Variants in ATP2C2 observed in about 807,000 individuals in gnomAD.
ATP2C2 encodes the protein calcium-transporting ATPase type 2C member 2.
In ATP2C2, 171 loss-of-function variants were observed where a neutral mutation model predicts 110.8. The ratio of observed to expected loss-of-function variants is 1.54; its 90% CI spans 1.36 to 1.75. The LOEUF (loss-of-function observed/expected upper bound fraction) is 1.75. Ranked by LOEUF, ATP2C2 falls within the 40% of genes most tolerant of loss-of-function variation. ATP2C2 has a pLI of 0.00. For synonymous variants in ATP2C2, 804 were observed against 508.4 expected (o/e 1.58, Z -7.82); for missense variants, 1,963 against 1,235.0 (o/e 1.59, Z -8.84).
intron 15 of ATP2C2, among the ~76,000 whole-genome samples, chr16:84,445,814 CCT>C (rs1909694330): frequency 6.6e-6 from 1 of 152,222 alleles, no homozygotes; most frequent in African/African-American, 2.4e-5. Flanking sequence ...ATTTTCACCC[CCT>C]GTGGGACAGT....
At position 84,439,523 on chromosome 16, in the gene ATP2C2, A is replaced by C; in HGVS notation, c.1208A>C (p.Glu403Ala). 1 of 1,614,088 alleles carries C rather than the reference A, an allele frequency of 6.2e-7. No individual in the cohort carries two copies. The highest frequency in any genetic ancestry group is 8.5e-7 in the Non-Finnish European group (1 of 1,179,952). The change falls in exon 13 of 27, where the codon GAG (glutamate) becomes GCG (alanine). Residue 403 changes from glutamate to alanine, a missense_variant and splice_region_variant. By Grantham distance (107) the Glu-to-Ala change is moderately radical. Transcript: ENST00000262429. The part of the protein sequence containing the change: ...QLVTSDGLRA[E>A]VSGVGYDGQG... ...GTAACGTCAGATGGGCTTCGTGCCG[A>C]GGTGAGTGCCAAAGGAATTTACAAG...
At chr16:84,459,450 C>T (rs1333561496) in intron 23 of ATP2C2, 64 bp downstream of exon 23, 3 of 1,603,372 alleles carry the variant, frequency 1.9e-6, no homozygotes, top group East Asian at 2.2e-5. Flanking sequence ...CCTCCAGGGG[C>T]TGCTGGCTGT....
chr16:84,429,336 A>G (rs899304673), intron 11 of ATP2C2, among the ~76,000 whole-genome samples: 3 of 151,992 alleles, frequency 2.0e-5, no homozygotes, highest in Non-Finnish European at 4.4e-5. Context: ...AATTTTAAGT[A>G]GAGATGGGAT....
At chr16:84,447,429 C>G (rs1909851599) in intron 16 of ATP2C2, among the ~76,000 whole-genome samples, 1 of 152,022 alleles carries the variant, frequency 6.6e-6, no homozygotes, top group African/African-American at 2.4e-5. Flanking sequence ...TCTTCCCTCC[C>G]TCCCCACCAC....
At position 84,371,380 on chromosome 16, in the gene ATP2C2, C is replaced by T. The variant is rs1045922965; in HGVS notation, c.99+2666C>T. ...AAAAATTAGGCGTGGTGGTGTGCACCTGTGGTCCTAGCTACTCACCAAGCT... is the reference window on the plus strand; with the variant it reads ...AAAAATTAGGCGTGGTGGTGTGCACTTGTGGTCCTAGCTACTCACCAAGCT... On this transcript the variant is annotated intron_variant, in intron 1 of 26. Coordinates refer to ENST00000262429, the MANE Select transcript of ATP2C2 (RefSeq NM_014861.4). 5.3e-5 allele frequency among the ~76,000 whole-genome samples: 8 copies of T among 152,186 alleles called. 1 individual carries two copies. Among genetic ancestry groups the T allele is most frequent in the Middle Eastern group, 6.8e-3 (2 of 294 alleles).
At chr16:84,445,681 CA>C (rs2150574338) in intron 15 of ATP2C2, among the ~76,000 whole-genome samples, 1 of 152,318 alleles carries the variant, frequency 6.6e-6, no homozygotes, top group East Asian at 1.9e-4. Flanking sequence ...ATGGTTTAGG[CA>C]TTTCTTCCCT....
chr16:84,445,977 C>G (rs182831017), intron 15 of ATP2C2, among the ~76,000 whole-genome samples: 9 of 152,318 alleles, frequency 5.9e-5, no homozygotes, highest in African/African-American at 2.2e-4. Flanking sequence ...ACCCCATGTT[C>G]TGGACGCAGG....
At chr16:84,423,149 G>C (rs752047785) in intron 9 of ATP2C2, 39 bp from the exon 10 acceptor site, 2 of 1,567,106 alleles carry the variant, frequency 1.3e-6, no homozygotes, top group African/African-American at 1.4e-5. Context: ...GCAGAAGCTA[G>C]GATCTTGTCC....
chr16:84,446,427 T>C lies in ATP2C2; in HGVS notation c.1500T>C (p.Thr500=), dbSNP rs769124124. Reference sequence around the variant, plus strand: ...TGGCGGTGAAATGCAGTCTGAAGACTGAGGTGAGACCTTTCAATCTTCAAC... The same window carrying C: ...TGGCGGTGAAATGCAGTCTGAAGACCGAGGTGAGACCTTTCAATCTTCAAC... ...KWMAVKCSLK[T]EDQEDIYFMK... The change falls in exon 16 of 27, where the codon ACT becomes ACC. Residue 500 remains threonine, a synonymous_variant. Transcript: ENST00000262429. 59 of 1,596,186 alleles carry C rather than the reference T, an allele frequency of 3.7e-5. No individual in the cohort carries two copies. Among genetic ancestry groups the C allele is most frequent in the Non-Finnish European group, 4.9e-5 (58 of 1,171,788 alleles).
chr16:84,370,503 G>T (rs1909890294), intron 1 of ATP2C2, among the ~76,000 whole-genome samples: 1 of 152,260 alleles, frequency 6.6e-6, no homozygotes, highest in East Asian at 1.9e-4. Flanking sequence ...AGGGAGGGAG[G>T]TGGGGAGGCC....
Position 84,410,774 on chromosome 16 carries a change from G to A in ATP2C2, c.515+9G>A. On this transcript the variant is annotated intron_variant, in intron 6 of 26. Coordinates refer to ENST00000262429, the MANE Select transcript of ATP2C2 (RefSeq NM_014861.4). ...CCTCCAGAATGTAACTGGTAAGTCA[G>A]AGCCTCCCTGGGACTTTTTGGTTCA... 1 of 1,613,398 alleles carries A rather than the reference G, an allele frequency of 6.2e-7. No individual in the cohort carries two copies. Among genetic ancestry groups the A allele is most frequent in the South Asian group, 1.1e-5 (1 of 91,054 alleles).
intron 1 of ATP2C2, among the ~76,000 whole-genome samples, chr16:84,386,747 G>A (rs140811386): frequency 2.6e-4 from 39 of 152,248 alleles, no homozygotes; most frequent in African/African-American, 8.2e-4. Context: ...TGCTAGGTGC[G>A]AGGTATCATC....
intron 26 of ATP2C2, 78 bp downstream of exon 26, chr16:84,462,207 A>T (rs142145647): frequency 6.5e-7 from 1 of 1,549,620 alleles, no homozygotes; most frequent in African/African-American, 1.4e-5. Context: ...GGGGAGCTGC[A>T]GCCCAGGAGG....
intron 11 of ATP2C2, among the ~76,000 whole-genome samples, chr16:84,430,912 C>A (rs7185633): frequency 6.6e-5 from 10 of 152,104 alleles, no homozygotes; most frequent in African/African-American, 9.7e-5. Context: ...CCAACCCCCC[C>A]ACCTCAGCAG....
Position 84,453,634 on chromosome 16 carries a change from C to T in ATP2C2, c.1980+263C>T, listed in dbSNP as rs371601341. ...ACACTTGCGCTGACAGCCCCTTGGCCAGAACACAGTCACGGGCCCAGGTTT... is the reference window on the plus strand; with the variant it reads ...ACACTTGCGCTGACAGCCCCTTGGCTAGAACACAGTCACGGGCCCAGGTTT... On this transcript the variant is annotated intron_variant, in intron 20 of 26. Transcript: ENST00000262429. Among the ~76,000 whole-genome samples, 1,020 of 152,218 alleles carry T rather than the reference C, an allele frequency of 6.7e-3. 14 individuals are homozygous for T. Among genetic ancestry groups the T allele is most frequent in the African/African-American group, 0.023 (946 of 41,510 alleles).
At chr16:84,415,084 G>C (rs1450576805) in intron 6 of ATP2C2, among the ~76,000 whole-genome samples, 4 of 152,112 alleles carry the variant, frequency 2.6e-5, no homozygotes, top group Non-Finnish European at 5.9e-5. Flanking sequence ...TCCCAGCTGT[G>C]ATAAGGCTCT....
rs562766153 is a variant in ATP2C2 at position 84,423,053 on chromosome 16, C to T, written c.844-135C>T. 8.6e-5 allele frequency: 62 copies of T among 717,872 alleles called. No homozygotes were observed. In the South Asian group the frequency reaches 1.0e-3, roughly 12 times the overall value. 44.5% of individuals were successfully genotyped at this position (717,872 alleles called of 1,614,324 possible). A position where few individuals can be genotyped will look rare whatever the true frequency, so the allele number is the denominator to read the frequency against. On this transcript the variant is annotated intron_variant, in intron 9 of 26. Coordinates refer to ENST00000262429, the MANE Select transcript of ATP2C2 (RefSeq NM_014861.4). ...ACGCACAGGTCTTCAGTGCAAAAGT[C>T]AATGAATGTTGACATATGTGTACCC...
intron 1 of ATP2C2, among the ~76,000 whole-genome samples, chr16:84,370,343 G>A (rs115908328): frequency 6.6e-6 from 1 of 152,254 alleles, no homozygotes; most frequent in Admixed American, 6.5e-5. Context: ...ATGATGGGCA[G>A]TGTGCAGCGC....
Position 84,463,905 on chromosome 16 carries a change from C to T in ATP2C2, c.*173C>T. 1.6e-6 allele frequency: 1 copy of T among 615,122 alleles called. No individual in the cohort carries two copies. The highest frequency in any genetic ancestry group is 2.9e-6 in the Non-Finnish European group (1 of 348,026). The allele number at this position is 615,122 out of a possible 1,614,324, so 38.1% of individuals were successfully genotyped here. A position where few individuals can be genotyped will look rare whatever the true frequency, so the allele number is the denominator to read the frequency against. On this transcript the variant is annotated 3_prime_UTR_variant, in exon 27 of 27. Transcript: ENST00000262429. ...CCTCGTGGGCTCCAGGGACCCAGGC[C>T]CACATCCATCCAGCGTTCCCGCTGG...
Sources: gnomAD v4.1 joint callset for allele counts (sites outside exome capture counted in the v4.1 genomes callset) on GRCh38, gnomAD v4.1.1 for gene constraint, MANE v1.5 for transcripts, NCBI Gene and HGNC (gene_info 2026-07-23, HGNC 2026-07-21) for gene names.